PPCDC: variants seen among roughly 807,000 people sequenced by gnomAD.
The protein encoded by PPCDC is phosphopantothenoylcysteine decarboxylase.
In PPCDC, 20 loss-of-function variants were observed where a neutral mutation model predicts 20.7. The ratio of observed to expected loss-of-function variants is 0.97; its 90% confidence interval spans 0.68 to 1.41. The LOEUF (loss-of-function observed/expected upper bound fraction) is 1.41. PPCDC is among the 40% of genes most tolerant of loss of function. The probability of loss-of-function intolerance (pLI) is 0.00; values close to 1 mark genes in which losing one functional copy is unlikely to be tolerated. For missense variants in PPCDC, 246 were observed against 263.8 expected (o/e 0.93, Z 0.47); for synonymous variants, 88 against 100.3 (o/e 0.88, Z 0.73).
chr15:75,034,778 G>A (rs985155467), intron 2 of PPCDC, among the ~76,000 whole-genome samples: 5 of 152,104 alleles, frequency 3.3e-5, no homozygotes, highest in Admixed American at 6.5e-5. Flanking sequence ...GATTAAGTGC[G>A]GGGCTACCAC....
Position 75,049,303 on chromosome 15 carries a change from A to T in PPCDC, c.*68A>T, listed in dbSNP as rs541064477. The T allele has an allele frequency of 8.2e-6, 12 of 1,467,286 alleles. No homozygotes were observed. The highest frequency in any genetic ancestry group is 1.1e-5 in the Non-Finnish European group (12 of 1,053,540). The allele number at this position is 1,467,286 out of a possible 1,614,324, so 90.9% of individuals were successfully genotyped here. On this transcript the variant is annotated 3_prime_UTR_variant, in exon 6 of 6. Coordinates refer to ENST00000342932, the MANE Select transcript of PPCDC (RefSeq NM_021823.5). ...GTTCAGGCCAAGTCGGTGAAGATGGATGTTGGCAAAATAGGAGGATACCCT... is the reference window on the plus strand; with the variant it reads ...GTTCAGGCCAAGTCGGTGAAGATGGTTGTTGGCAAAATAGGAGGATACCCT...
chr15:75,046,933 C>G (rs1327604538), intron 4 of PPCDC, among the ~76,000 whole-genome samples: 2 of 152,272 alleles, frequency 1.3e-5, no homozygotes, highest in South Asian at 2.1e-4. Context: ...TGGCTAGGAG[C>G]TGGTCTCCTG....
At chr15:75,034,194 G>C (rs558035320) in intron 2 of PPCDC, among the ~76,000 whole-genome samples, 1 of 152,194 alleles carries the variant, frequency 6.6e-6, no homozygotes, top group Admixed American at 6.5e-5. Flanking sequence ...AGCAGAACTG[G>C]GGGCTTGAGG....
chr15:75,044,744 G>A (rs961533394), intron 4 of PPCDC: 16 of 512,960 alleles, frequency 3.1e-5, no homozygotes, highest in Non-Finnish European at 4.7e-5. Context: ...CCCCAGGAGT[G>A]TCCCCCTCTC....
At chr15:75,030,332 C>G (rs1025573153) in intron 2 of PPCDC, among the ~76,000 whole-genome samples, 1 of 152,230 alleles carries the variant, frequency 6.6e-6, no homozygotes, top group Admixed American at 6.5e-5. Flanking sequence ...TTGAAGCACT[C>G]GGTTGTGTGT....
chr15:75,038,680 C>T (rs1595906349), intron 2 of PPCDC, among the ~76,000 whole-genome samples: 1 of 152,162 alleles, frequency 6.6e-6, no homozygotes, highest in Non-Finnish European at 1.5e-5. Flanking sequence ...CCTTCTCCGA[C>T]CCCTGGAGGC....
chr15:75,046,620 G>A (rs1030843223), intron 4 of PPCDC, among the ~76,000 whole-genome samples: 47 of 152,270 alleles, frequency 3.1e-4, no homozygotes, highest in Non-Finnish European at 5.1e-4. Context: ...AATGTTTCAA[G>A]GAATCTCAAA....
chr15:75,044,253 C>A, intron 3 of PPCDC, 133 bp from the exon 4 acceptor site: 2 of 1,296,328 alleles, frequency 1.5e-6, no homozygotes, highest in Non-Finnish European at 2.1e-6. Flanking sequence ...AGCTTAGCTG[C>A]AGGAGGGAAC....
At chr15:75,045,639 T>G (rs1327195829) in intron 4 of PPCDC, among the ~76,000 whole-genome samples, 1 of 152,148 alleles carries the variant, frequency 6.6e-6, no homozygotes, top group African/African-American at 2.4e-5. Context: ...TGCCAGTGAT[T>G]TAAGCATCAT....
At chr15:75,041,071 A>C (rs533898978) in intron 2 of PPCDC, among the ~76,000 whole-genome samples, 2 of 152,220 alleles carry the variant, frequency 1.3e-5, no homozygotes, top group East Asian at 3.9e-4. Flanking sequence ...GGTAAAGGTT[A>C]TTCTTCTTAT....
At chr15:75,049,074 T>C in intron 5 of PPCDC, 76 bp from the exon 6 acceptor site, 2 of 1,375,834 alleles carry the variant, frequency 1.5e-6, no homozygotes, top group Non-Finnish European at 2.1e-6. Flanking sequence ...GGTGGAGCAC[T>C]TGGAGCAATG....
At chr15:75,041,196 G>T (rs1361943821) in intron 2 of PPCDC, among the ~76,000 whole-genome samples, 1 of 152,146 alleles carries the variant, frequency 6.6e-6, no homozygotes, top group Non-Finnish European at 1.5e-5. Context: ...CCCAACCTGT[G>T]CTGGCCCAGT....
At chr15:75,037,472 C>T (rs574869921) in intron 2 of PPCDC, among the ~76,000 whole-genome samples, 3 of 152,238 alleles carry the variant, frequency 2.0e-5, no homozygotes, top group South Asian at 4.1e-4. Flanking sequence ...AGGGGCTGGG[C>T]GCGGTGGCTC....
chr15:75,041,343 C>T (rs888934989), intron 2 of PPCDC, among the ~76,000 whole-genome samples: 36 of 152,166 alleles, frequency 2.4e-4, no homozygotes, highest in African/African-American at 8.4e-4. Flanking sequence ...TTTAAATGAC[C>T]TCTAGGCTGG....
At position 75,050,253 on chromosome 15, in the gene PPCDC, G is replaced by C. The variant is rs1316641306; in HGVS notation, c.*1018G>C. 6.6e-6 allele frequency: 1 copy of C among 152,194 alleles called. No individual in the cohort carries two copies. The highest frequency in any genetic ancestry group is 6.5e-5 in the Admixed American group (1 of 15,284). 9.4% of individuals were successfully genotyped at this position (152,194 alleles called of 1,614,324 possible). On this transcript the variant is annotated 3_prime_UTR_variant, in exon 6 of 6. Coordinates refer to ENST00000342932, the MANE Select transcript of PPCDC (RefSeq NM_021823.5). ...AGCCAGGAGGGTTGACCCTGCCCTG[G>C]GTCCCAGGCCTCTTGCCTGCTTCTT...
At chr15:75,028,542 ATTTTCT>A in intron 2 of PPCDC, 89 bp downstream of exon 2, 2 of 1,546,322 alleles carry the variant, frequency 1.3e-6, no homozygotes, top group Non-Finnish European at 1.8e-6. Flanking sequence ...AGTACATGCA[ATTTTCT>A]TTTTCTTTAT....
intron 1 of PPCDC, among the ~76,000 whole-genome samples, 153 bp downstream of exon 1, chr15:75,023,779 G>T (rs965288853): frequency 6.6e-6 from 1 of 152,208 alleles, no homozygotes; most frequent in Non-Finnish European, 1.5e-5. Context: ...GCGACTGTGC[G>T]TGGGTAGGCG....
At chr15:75,032,724 A>ACCCCCC (rs71434252) in intron 2 of PPCDC, among the ~76,000 whole-genome samples, 2 of 96,654 alleles carry the variant, frequency 2.1e-5, no homozygotes, top group Admixed American at 1.2e-4. Flanking sequence ...AGCAAACTGG[A>ACCCCCC]CCCCCCCCCC....
In PPCDC at chr15:75,043,517, G is replaced by T; in HGVS notation, c.212G>T (p.Ser71Ile). 3 of 1,610,980 alleles carry T rather than the reference G, an allele frequency of 1.9e-6. No homozygotes were observed. The highest frequency in any genetic ancestry group is 2.5e-6 in the Non-Finnish European group (3 of 1,178,524). ...SPQDIPVTLY[S>I]DADEWEIWKS... The stretch of plus-strand genomic sequence containing the variant: ...CAGGACATTCCTGTCACCCTCTACA[G>T]CGACGCTGATGAATGGGAGGTCAGT... The change falls in exon 3 of 6, where the codon AGC becomes ATC. Residue 71 changes from serine (S) to isoleucine (I), a missense_variant. Physicochemically the swap from Ser to Ile is moderately radical, Grantham distance 142. Coordinates refer to ENST00000342932, the MANE Select transcript of PPCDC (RefSeq NM_021823.5).
Sources: gnomAD v4.1 joint callset for allele counts (sites outside exome capture counted in the v4.1 genomes callset) on GRCh38, gnomAD v4.1.1 for gene constraint, MANE v1.5 for transcripts, NCBI Gene and HGNC (gene_info 2026-07-23, HGNC 2026-07-21) for gene names.